Variants in NLRC3 observed in about 807,000 individuals in gnomAD.
NLRC3 encodes the protein NLR family CARD domain-containing protein 3.
A neutral mutation model predicts 91.6 loss-of-function variants in NLRC3; 87 were observed. The ratio of observed to expected loss-of-function variants is 0.95; its 90% confidence interval spans 0.80 to 1.14. The LOEUF is 1.14. Ranked by LOEUF, NLRC3 falls within the 50% of genes most tolerant of loss-of-function variation. NLRC3 has a pLI of 0.00. For missense variants in NLRC3, 1,577 were observed against 1,418.6 expected, an observed-to-expected ratio of 1.11 and a Z score of -1.79; for synonymous variants, 694 against 625.3, an observed-to-expected ratio of 1.11 and a Z score of -1.64.
intron 6 of NLRC3, among the ~76,000 whole-genome samples, chr16:3,558,134 G>A (rs1428027036): frequency 6.6e-6 from 1 of 152,152 alleles, no homozygotes; most frequent in Non-Finnish European, 1.5e-5. Context: ...TTGAAACCAG[G>A]CGTTTGAGAC....
At position 3,543,512 on chromosome 16, in the gene NLRC3, G is replaced by A. The variant is rs1188832114; in HGVS notation, c.2856-4C>T. The A allele has an allele frequency of 5.0e-6, 8 of 1,610,022 alleles. No individual in the cohort carries two copies. The highest frequency in any genetic ancestry group is 6.8e-6 in the Non-Finnish European group (8 of 1,178,008). ...ACCAATTGAGGCCACCTGGAGACTGGGGCGGAGAGGGTGCCGTCAGTGTGA... is the reference window on the plus strand; with the variant it reads ...ACCAATTGAGGCCACCTGGAGACTGAGGCGGAGAGGGTGCCGTCAGTGTGA... On this transcript the variant is annotated splice_polypyrimidine_tract_variant and splice_region_variant and intron_variant, in intron 16 of 19. Coordinates refer to ENST00000359128, the MANE Select transcript of NLRC3 (RefSeq NM_178844.4).
intron 1 of NLRC3, among the ~76,000 whole-genome samples, chr16:3,576,105 AAG>A (rs149017517): frequency 0.084 from 12,844 of 152,114 alleles, 732 homozygotes; most frequent in Non-Finnish European, 0.12. Flanking sequence ...GGGACAGAAG[AAG>A]AGGGGTGCAG....
intron 9 of NLRC3, 36 bp from the exon 10 acceptor site, chr16:3,552,315 TG>T: frequency 2.0e-6 from 3 of 1,477,816 alleles, no homozygotes; most frequent in Non-Finnish European, 2.8e-6. Flanking sequence ...TTAGAAAGGC[TG>T]GTCACAGCCA....
chr16:3,556,765 A>AG (rs970063786), intron 8 of NLRC3, 146 bp downstream of exon 8: 18 of 614,824 alleles, frequency 2.9e-5, no homozygotes, highest in Non-Finnish European at 5.0e-5. Flanking sequence ...AGCCTCCCAA[A>AG]GGGTTGGGAT....
intron 12 of NLRC3, 92 bp downstream of exon 12, chr16:3,549,604 AT>A (rs2038888499): frequency 5.1e-6 from 5 of 988,772 alleles, no homozygotes; most frequent in Non-Finnish European, 6.2e-6. Context: ...CCAGCCATAG[AT>A]TTCCCTGAGA....
At position 3,548,697 on chromosome 16, in the gene NLRC3, C is replaced by T. The variant is rs779301280; in HGVS notation, c.2660G>A (p.Arg887Lys). The change falls in exon 14 of 20, where the codon AGA (arginine) becomes AAA (lysine). Residue 887 changes from arginine to lysine, a missense_variant. Coordinates refer to ENST00000359128, the MANE Select transcript of NLRC3 (RefSeq NM_178844.4). ...AAGGGAGGTGAGGGTGCGGTTTTCT[C>T]TCACTGCCACTGCGATGGCCCGGGC... Reference protein sequence around the residue: ...QGARAIAVAVRENRTLTSLHL... With the variant: ...QGARAIAVAVKENRTLTSLHL... 4 of 1,598,642 alleles carry T rather than the reference C, an allele frequency of 2.5e-6. No individual in the cohort carries two copies. The East Asian group carries it at 6.8e-5, about 27-fold the overall frequency.
At position 3,565,038 on chromosome 16, in the gene NLRC3, G is replaced by C. The variant is rs1338092758; in HGVS notation, c.-2C>G. On this transcript the variant is annotated 5_prime_UTR_variant, in exon 4 of 20. Transcript: ENST00000359128. ...CGTCCGCACCTCTTGCTTCCTCATG[G>C]AGTCGGGGATCACCTCCAGGAGCTG... The C allele has an allele frequency of 1.9e-6, 3 of 1,608,426 alleles. No homozygotes were observed. The Admixed American group carries it at 5.0e-5, about 27-fold the overall frequency.
chr16:3,544,243 T>TA lies in NLRC3; in HGVS notation c.2855+2dup, dbSNP rs1567458962. 15 of 1,585,290 alleles carry TA rather than the reference T, an allele frequency of 9.5e-6. No individual in the cohort carries two copies. Among genetic ancestry groups the TA allele is most frequent in the Non-Finnish European group, 1.3e-5 (15 of 1,154,186 alleles). On this transcript the variant is annotated splice_region_variant and intron_variant, in intron 16 of 19. Coordinates refer to ENST00000359128, the MANE Select transcript of NLRC3 (RefSeq NM_178844.4). ...CTGACTGCTGCGCACATCTAGGACT[T>TA]ACTAGAGAGCAGTGAGGGCTGTGTT...
In NLRC3 at chr16:3,542,063, C is replaced by T. The variant is rs191798040; in HGVS notation, c.3107+128G>A. 19 of 828,354 alleles carry T rather than the reference C, an allele frequency of 2.3e-5. No homozygotes were observed. The East Asian group carries it at 4.5e-4, about 20-fold the overall frequency. The allele number at this position is 828,354 out of a possible 1,614,324, so 51.3% of individuals were successfully genotyped here. A position where few individuals can be genotyped will look rare whatever the true frequency, so the allele number is the denominator to read the frequency against. ...ATGGACAAGGCTCAGGGTACCTCCCCTTAGACCAGGTTTCCCTATAGGCCT... is the reference window on the plus strand; with the variant it reads ...ATGGACAAGGCTCAGGGTACCTCCCTTTAGACCAGGTTTCCCTATAGGCCT... On this transcript the variant is annotated intron_variant, in intron 19 of 19. Transcript: ENST00000359128.
At chr16:3,561,821 C>T (rs760444824) in intron 5 of NLRC3, 33 bp from the exon 6 acceptor site, 8 of 1,545,654 alleles carry the variant, frequency 5.2e-6, no homozygotes, top group Non-Finnish European at 7.2e-6. Context: ...GTGAGTGTCC[C>T]ACCCGCCCAC....
chr16:3,569,402 T>G (rs368778867), intron 1 of NLRC3, among the ~76,000 whole-genome samples: 1 of 100,366 alleles, frequency 1.0e-5, no homozygotes, highest in African/African-American at 4.6e-5. Context: ...ATATTATTTT[T>G]TTTTTTTTTT....
At chr16:3,572,066 TA>T (rs1225264399) in intron 1 of NLRC3, among the ~76,000 whole-genome samples, 2 of 151,826 alleles carry the variant, frequency 1.3e-5, no homozygotes, top group African/African-American at 4.8e-5. Context: ...CCTTAATATA[TA>T]AAGAACTTAT....
At position 3,565,042 on chromosome 16, in the gene NLRC3, C is replaced by T. The variant is rs370960742; in HGVS notation, c.-6G>A. 1.5e-5 allele frequency: 24 copies of T among 1,607,648 alleles called. No homozygotes were observed. The Middle Eastern group carries it at 4.9e-4, about 33-fold the overall frequency. ...CGCACCTCTTGCTTCCTCATGGAGT[C>T]GGGGATCACCTCCAGGAGCTGTGAA... On this transcript the variant is annotated 5_prime_UTR_variant, in exon 4 of 20. Transcript: ENST00000359128.
intron 10 of NLRC3, 45 bp from the exon 11 acceptor site, chr16:3,550,542 A>G (rs1479248104): frequency 2.8e-6 from 4 of 1,432,682 alleles, no homozygotes; most frequent in Non-Finnish European, 3.0e-6. Flanking sequence ...GGGAGCTGCC[A>G]GGCAGGGCTG....
rs2038440017 is a variant in NLRC3 at position 3,542,226 on chromosome 16, T to C, written c.3072A>G (p.Thr1024=). The part of the protein sequence containing the change: ...LGMDGAICIA[T]ALSGNHRLQH... ...GGAGCCTGTGGTTTCCAGACAGTGC[T>C]GTGGCAATGCATATCGCCCCGTCCA... The change falls in exon 19 of 20, where the codon ACA becomes ACG. Residue 1024 remains threonine (T), a synonymous_variant. Transcript: ENST00000359128. 6.3e-7 allele frequency: 1 copy of C among 1,594,676 alleles called. No individual in the cohort carries two copies. The highest frequency in any genetic ancestry group is 1.3e-5 in the African/African-American group (1 of 74,412).
Position 3,557,655 on chromosome 16 carries a change from A to G in NLRC3, c.2037T>C (p.Ser679=), listed in dbSNP as rs1190475922. Residue 679 remains serine, a synonymous_variant, in exon 7 of 20, where the codon AGT becomes AGC. Transcript: ENST00000359128. ...QKISLAENQI[S]NKGAKALARS... ...TGGCCAGAGCTTTGGCCCCTTTGTT[A>G]CTGATCTGGTTCTCCGCCAAGCTGC... 3 of 1,613,450 alleles carry G rather than the reference A, an allele frequency of 1.9e-6. No individual in the cohort carries two copies. The East Asian group carries it at 6.7e-5, about 36-fold the overall frequency.
At chr16:3,543,317 A>G in intron 17 of NLRC3, 108 bp downstream of exon 17, 1 of 787,084 alleles carries the variant, frequency 1.3e-6, no homozygotes, top group South Asian at 1.5e-5. Flanking sequence ...AATGAAGATC[A>G]CCAGGATGAT....
In NLRC3 at chr16:3,544,528, C is replaced by T. The variant is rs1406352013; in HGVS notation, c.2772-199G>A. The stretch of plus-strand genomic sequence containing the variant: ...CTAAGCACACAGAGGCGTCTGGGGC[C>T]TGCATGAGTCTGAACCGCCAGAGGC... On this transcript the variant is annotated intron_variant, in intron 15 of 19. Coordinates refer to ENST00000359128, the MANE Select transcript of NLRC3 (RefSeq NM_178844.4). 8.7e-6 allele frequency: 5 copies of T among 571,598 alleles called. No individual in the cohort carries two copies. In the East Asian group the frequency reaches 1.4e-4, roughly 16 times the overall value. 35.4% of individuals were successfully genotyped at this position (571,598 alleles called of 1,614,324 possible).
rs552067438 is a variant in NLRC3, at chr16:3,558,368, T to C, written c.2016-692A>G. 2.0e-5 allele frequency among the ~76,000 whole-genome samples: 3 copies of C among 152,118 alleles called. No homozygotes were observed. In the East Asian group the frequency reaches 5.8e-4, roughly 29 times the overall value. ...AAACAAAAAACAAATGCTAGCAAAC[T>C]GATTTGTAGTATCTGCCACTTTCCA... On this transcript the variant is annotated intron_variant, in intron 6 of 19. Transcript: ENST00000359128.
Sources: allele counts gnomAD v4.1 joint callset (sites outside exome capture counted in the v4.1 genomes callset), GRCh38; gene constraint gnomAD v4.1.1; transcripts MANE v1.5; gene names NCBI Gene and HGNC (gene_info 2026-07-23, HGNC 2026-07-21).